Variants in TOGARAM2 observed in about 807,000 individuals in gnomAD.
TOGARAM2 encodes TOG array regulator of axonemal microtubules protein 2.
TOGARAM2 carries 85 observed loss-of-function variants against 93.3 expected under a neutral mutation model. The observed-to-expected ratio is 0.91, with a 90% CI of 0.76 to 1.09. The LOEUF is 1.09. Ranked by LOEUF, TOGARAM2 falls within the 50% of genes least tolerant of loss-of-function variation. TOGARAM2 has a pLI of 0.00. For synonymous variants in TOGARAM2, 593 were observed against 552.8 expected (o/e 1.07, Z -1.02); for missense variants, 1,277 against 1,334.5 (o/e 0.96, Z 0.67).
intron 14 of TOGARAM2, among the ~76,000 whole-genome samples, chr2:29,029,764 A>T (rs2148364310): frequency 6.6e-6 from 1 of 151,824 alleles, no homozygotes; most frequent in East Asian, 1.9e-4. Flanking sequence ...TAAAAAAAAA[A>T]AAAGAATGAC....
chr2:28,970,775 G>A (rs1348582285), intron 1 of TOGARAM2, among the ~76,000 whole-genome samples: 1 of 152,152 alleles, frequency 6.6e-6, no homozygotes, highest in African/African-American at 2.4e-5. Flanking sequence ...GTCTGACTGT[G>A]GCTCCGAGGG....
chr2:28,957,036 G>A (rs941817628), intron 1 of TOGARAM2, among the ~76,000 whole-genome samples: 6 of 151,908 alleles, frequency 3.9e-5, no homozygotes, highest in Non-Finnish European at 7.4e-5. Flanking sequence ...TCCGGGAGGC[G>A]GAGGTTGCAG....
At chr2:28,991,002 GT>G (rs1672703063) in intron 1 of TOGARAM2, among the ~76,000 whole-genome samples, 2 of 120,442 alleles carry the variant, frequency 1.7e-5, no homozygotes, top group Non-Finnish European at 3.9e-5. Flanking sequence ...GTGTGTGTGT[GT>G]GTGTGTGTGT....
chr2:29,044,408 C>G (rs1666615960), intron 18 of TOGARAM2, among the ~76,000 whole-genome samples: 1 of 152,106 alleles, frequency 6.6e-6, no homozygotes, highest in South Asian at 2.1e-4. Context: ...ATAATATGTG[C>G]TCCTCAGCCC....
intron 1 of TOGARAM2, among the ~76,000 whole-genome samples, chr2:28,983,199 T>TATATATATATATATA (rs1491158838): frequency 6.4e-4 from 8 of 12,500 alleles, no homozygotes; most frequent in African/African-American, 1.5e-3. Flanking sequence ...TATATATATA[T>TATATATATATATATA]TTTTTTTTTT....
intron 2 of TOGARAM2, among the ~76,000 whole-genome samples, chr2:28,995,818 A>T (rs1285333896): frequency 6.6e-6 from 1 of 152,180 alleles, no homozygotes; most frequent in Non-Finnish European, 1.5e-5. Context: ...CAGCCTGGGG[A>T]TGGACGAGCT....
In TOGARAM2 at chr2:29,044,074, G is replaced by T. The variant is rs1666594720; in HGVS notation, c.2636-1250G>T. ...ACTCATACTATTTCAGTTCTTTCAA[G>T]ATACAAATGGGGTGGTGCTCAGTCC... On this transcript the variant is annotated intron_variant, in intron 18 of 19. Transcript: ENST00000379558. Among the ~76,000 whole-genome samples, 3 of 152,306 alleles carry T rather than the reference G, an allele frequency of 2.0e-5. No individual in the cohort carries two copies. The South Asian group carries it at 6.2e-4, about 32-fold the overall frequency.
At chr2:28,983,559 G>T (rs1052144512) in intron 1 of TOGARAM2, among the ~76,000 whole-genome samples, 1 of 151,938 alleles carries the variant, frequency 6.6e-6, no homozygotes, top group Non-Finnish European at 1.5e-5. Context: ...TCATTTTCCT[G>T]TTGGACATTT....
chr2:28,983,179 T>TATATAAATAA (rs1242920526), intron 1 of TOGARAM2, among the ~76,000 whole-genome samples: 4 of 41,994 alleles, frequency 9.5e-5, no homozygotes. Flanking sequence ...TATATATAAA[T>TATATAAATAA]ATATATATAT....
Position 28,994,827 on chromosome 2 carries a change from C to A in TOGARAM2, c.-8C>A. On this transcript the variant is annotated 5_prime_UTR_variant, in exon 2 of 20. Coordinates refer to ENST00000379558, the MANE Select transcript of TOGARAM2 (RefSeq NM_199280.4). ...GGCAACCTTGTAGGCACCTTCTCCACCCAGGACATGGGCACCCGTGACGAT... is the reference window on the plus strand; with the variant it reads ...GGCAACCTTGTAGGCACCTTCTCCAACCAGGACATGGGCACCCGTGACGAT... 1 of 1,552,300 alleles carries A rather than the reference C, an allele frequency of 6.4e-7. No individual in the cohort carries two copies. Among genetic ancestry groups the A allele is most frequent in the Non-Finnish European group, 8.7e-7 (1 of 1,147,292 alleles).
chr2:29,041,465 A>G (rs1379982859), intron 18 of TOGARAM2, among the ~76,000 whole-genome samples: 2 of 152,210 alleles, frequency 1.3e-5, no homozygotes, highest in Non-Finnish European at 2.9e-5. Context: ...CCAGCGCGTC[A>G]TAACTTACCA....
At chr2:29,019,135 G>C (rs1428503711) in intron 10 of TOGARAM2, among the ~76,000 whole-genome samples, 4 of 148,982 alleles carry the variant, frequency 2.7e-5, no homozygotes, top group African/African-American at 4.9e-5. Context: ...TGAATAATAT[G>C]ATTGATACTG....
chr2:29,047,648 C>A (rs1013511269), intron 19 of TOGARAM2: 1 of 152,290 alleles, frequency 6.6e-6, no homozygotes, highest in African/African-American at 2.4e-5. Context: ...ACCTGCCAGC[C>A]AGGCGACTGC....
intron 4 of TOGARAM2, among the ~76,000 whole-genome samples, chr2:29,001,297 G>C (rs1673283115): frequency 6.6e-6 from 1 of 152,132 alleles, no homozygotes; most frequent in African/African-American, 2.4e-5. Context: ...AGGGGAGCGA[G>C]TGTGCAGGAA....
At chr2:29,037,579 C>A (rs987834580) in intron 18 of TOGARAM2, among the ~76,000 whole-genome samples, 4 of 151,974 alleles carry the variant, frequency 2.6e-5, no homozygotes, top group African/African-American at 4.8e-5. Context: ...CTGTCCCCCT[C>A]CCCCCGACCC....
At chr2:28,982,780 C>A (rs1672263958) in intron 1 of TOGARAM2, among the ~76,000 whole-genome samples, 1 of 152,080 alleles carries the variant, frequency 6.6e-6, no homozygotes, top group African/African-American at 2.4e-5. Flanking sequence ...AAAATGCATG[C>A]AGTGTGAGGA....
intron 18 of TOGARAM2, among the ~76,000 whole-genome samples, chr2:29,043,202 C>T (rs1562390): frequency 1.3e-5 from 2 of 152,202 alleles, no homozygotes; most frequent in African/African-American, 4.8e-5. Context: ...TTACTATATT[C>T]TAGAAGCTGG....
At chr2:28,981,775 C>T (rs763260502) in intron 1 of TOGARAM2, among the ~76,000 whole-genome samples, 2 of 152,196 alleles carry the variant, frequency 1.3e-5, no homozygotes, top group Non-Finnish European at 2.9e-5. Flanking sequence ...ACTCACTGTT[C>T]TCTGAGCACT....
chr2:28,977,636 C>T (rs1376567026), upstream of TOGARAM2, among the ~76,000 whole-genome samples: 1 of 152,178 alleles, frequency 6.6e-6, no homozygotes, highest in African/African-American at 2.4e-5. Context: ...TCTCTCAACA[C>T]CCATGTGGAA....
Sources: allele counts gnomAD v4.1 joint callset (sites outside exome capture counted in the v4.1 genomes callset), GRCh38; gene constraint gnomAD v4.1.1; transcripts MANE v1.5; gene names NCBI Gene and HGNC (gene_info 2026-07-23, HGNC 2026-07-21).